Variants in TRIM66 observed in about 807,000 individuals in gnomAD.
TRIM66 encodes the protein tripartite motif-containing protein 66.
Under a neutral mutation model 148.2 loss-of-function variants are expected in TRIM66, and 99 were observed. The ratio of observed to expected loss-of-function variants is 0.67; its 90% confidence interval spans 0.57 to 0.79. The LOEUF (loss-of-function observed/expected upper bound fraction) is 0.79, where lower values mean the gene tolerates loss of function less well. Ranked by LOEUF, TRIM66 falls within the 30% of genes least tolerant of loss-of-function variation. The pLI is 0.00. For missense variants in TRIM66, 1,666 were observed against 1,697.9 expected, an observed-to-expected ratio of 0.98 and a Z score of 0.33; for synonymous variants, 616 against 635.9, an observed-to-expected ratio of 0.97 and a Z score of 0.47.
intron 15 of TRIM66, among the ~76,000 whole-genome samples, chr11:8,634,112 AG>A (rs1408546231): frequency 6.6e-6 from 1 of 152,202 alleles, no homozygotes; most frequent in Non-Finnish European, 1.5e-5. Flanking sequence ...TCCCTCTTGC[AG>A]GTGAACTGGG....
At chr11:8,630,304 G>A (rs2035271279) in intron 15 of TRIM66, among the ~76,000 whole-genome samples, 1 of 152,156 alleles carries the variant, frequency 6.6e-6, no homozygotes, top group African/African-American at 2.4e-5. Flanking sequence ...CAATGGAGAT[G>A]ATACCACCCA....
At chr11:8,658,195 T>C (rs1204798855) in intron 6 of TRIM66, among the ~76,000 whole-genome samples, 1 of 152,232 alleles carries the variant, frequency 6.6e-6, no homozygotes, top group Non-Finnish European at 1.5e-5. Context: ...ACTCCTCCTG[T>C]TTCTGTTTAT....
At chr11:8,623,905 T>C (rs553805387) in intron 17 of TRIM66, among the ~76,000 whole-genome samples, 1 of 152,248 alleles carries the variant, frequency 6.6e-6, no homozygotes, top group South Asian at 2.1e-4. Flanking sequence ...AAGAAGTAGG[T>C]GCGATTGGCC....
chr11:8,626,428 G>A (rs987507001), intron 15 of TRIM66, among the ~76,000 whole-genome samples: 2 of 152,138 alleles, frequency 1.3e-5, no homozygotes, highest in African/African-American at 4.8e-5. Flanking sequence ...ATTTTGCCAT[G>A]AACACTGTCC....
intron 6 of TRIM66, among the ~76,000 whole-genome samples, chr11:8,669,789 C>T (rs1232542062): frequency 2.6e-5 from 4 of 152,146 alleles, no homozygotes; most frequent in African/African-American, 9.7e-5. Context: ...GAGGGACTAA[C>T]AGTAATCAGC....
In TRIM66 at chr11:8,649,752, T is replaced by C. The variant is rs940878871; in HGVS notation, c.580A>G (p.Lys194Glu). ...PGGPFFPRAQ[K>E]GSPGVNGGPG... Reference sequence around the variant, plus strand: ...GTGGGATTGGTACCTGGAGATCCCTTCTGGGCCCGAGGAAAGAATGGGCCC... The same window carrying C: ...GTGGGATTGGTACCTGGAGATCCCTCCTGGGCCCGAGGAAAGAATGGGCCC... The change falls in exon 8 of 25, where the codon AAG becomes GAG. Residue 194 changes from lysine to glutamate, a missense_variant. This residue lies in a region of TRIM66 where 1,431 missense variants were observed against 1,412.4 expected (regional missense o/e 1.01). Transcript: ENST00000646038. The C allele has an allele frequency of 3.9e-6, 6 of 1,547,514 alleles. No individual in the cohort carries two copies. In the African/African-American group the frequency reaches 7.2e-5, roughly 19 times the overall value.
In TRIM66 at chr11:8,649,760, C is replaced by T. The variant is rs1347162867; in HGVS notation, c.572G>A (p.Arg191Gln). 4.0e-5 allele frequency: 62 copies of T among 1,551,218 alleles called. No homozygotes were observed. The highest frequency in any genetic ancestry group is 5.9e-5 in the Admixed American group (3 of 50,962). The change falls in exon 8 of 25, where the codon CGG becomes CAG. Residue 191 changes from arginine to glutamine, a missense_variant. Coordinates refer to ENST00000646038, the MANE Select transcript of TRIM66 (RefSeq NM_001388022.1). ...SPVPGGPFFP[R>Q]AQKGSPGVNG... ...GGTACCTGGAGATCCCTTCTGGGCC[C>T]GAGGAAAGAATGGGCCCCCGGGGAC...
intron 14 of TRIM66, 99 bp from the exon 15 acceptor site, chr11:8,638,914 C>T: frequency 8.0e-7 from 1 of 1,257,004 alleles, no homozygotes; most frequent in Non-Finnish European, 1.1e-6. Flanking sequence ...CCATGTGCAT[C>T]ATCACCACTT....
intron 8 of TRIM66, 147 bp from the exon 9 acceptor site, chr11:8,648,695 C>T: frequency 9.8e-7 from 1 of 1,018,770 alleles, no homozygotes; most frequent in Non-Finnish European, 1.4e-6. Context: ...GATGACTCTC[C>T]AGGGGCACAA....
At position 8,638,778 on chromosome 11, in the gene TRIM66, G is replaced by T. The variant is rs371456414; in HGVS notation, c.2186C>A (p.Pro729Gln). The change falls in exon 15 of 25, where the codon CCG (proline) becomes CAG (glutamine). Residue 729 changes from proline (P) to glutamine (Q), a missense_variant. Physicochemically the swap from Pro to Gln is moderately conservative, Grantham distance 76. Coordinates refer to ENST00000646038, the MANE Select transcript of TRIM66 (RefSeq NM_001388022.1). ...DEPPASQGSKPALPLDKNTAA... is the reference protein window; with the variant it reads ...DEPPASQGSKQALPLDKNTAA... ...AGTATTCTTGTCAAGAGGGAGAGCC[G>T]GCTTTGAGCCCTGAGATGCTGGGGG... 1 of 1,551,166 alleles carries T rather than the reference G, an allele frequency of 6.4e-7. No homozygotes were observed. Among genetic ancestry groups the T allele is most frequent in the Non-Finnish European group, 8.7e-7 (1 of 1,146,846 alleles).
chr11:8,658,304 G>A (rs1339707812), intron 6 of TRIM66, among the ~76,000 whole-genome samples: 1 of 152,148 alleles, frequency 6.6e-6, no homozygotes, highest in Non-Finnish European at 1.5e-5. Context: ...TAATCCTCTG[G>A]GTGCCTTGGA....
Position 8,672,370 on chromosome 11 carries a change from G to T in TRIM66, c.-96C>A. ...TCCCGTACCTGTGCCTCTCCTTATT[G>T]GTAGACAAGCTTGACCTAAGTTTCA... On this transcript the variant is annotated 5_prime_UTR_variant, in exon 5 of 25. Transcript: ENST00000646038. 1 of 1,516,510 alleles carries T rather than the reference G, an allele frequency of 6.6e-7. No homozygotes were observed. Among genetic ancestry groups the T allele is most frequent in the South Asian group, 1.2e-5 (1 of 80,422 alleles). 93.9% of individuals were successfully genotyped at this position (1,516,510 alleles called of 1,614,324 possible).
intron 3 of TRIM66, 33 bp downstream of exon 3, chr11:8,679,587 T>A (rs2039326045): frequency 6.5e-6 from 1 of 152,726 alleles, no homozygotes; most frequent in African/African-American, 2.4e-5. Flanking sequence ...CACTGATGGT[T>A]CCCTTTCATT....
At position 8,643,123 on chromosome 11, in the gene TRIM66, C is replaced by T; in HGVS notation, c.1108G>A (p.Val370Met). 6.4e-7 allele frequency: 1 copy of T among 1,550,680 alleles called. No individual in the cohort carries two copies. The highest frequency in any genetic ancestry group is 8.7e-7 in the Non-Finnish European group (1 of 1,146,576). Residue 370 changes from valine (V) to methionine (M), a missense_variant, in exon 13 of 25, where the codon GTG (valine) becomes ATG (methionine). This residue lies in a region of TRIM66 where 1,431 missense variants were observed against 1,412.4 expected (regional missense o/e 1.01). Transcript: ENST00000646038. ...TCCAGCAATCGCTGCATCTGAAACA[C>T]AATCTGACAACAGCACCAAAGGTCA... ...VPFLFSKELIVFQMQRLLETS... is the reference protein window; with the variant it reads ...VPFLFSKELIMFQMQRLLETS...
intron 13 of TRIM66, among the ~76,000 whole-genome samples, chr11:8,642,271 T>C (rs1382854596): frequency 6.6e-6 from 1 of 152,186 alleles, no homozygotes; most frequent in Non-Finnish European, 1.5e-5. Context: ...CAAGAGTAGG[T>C]GGCCATCAAA....
rs2036111013 is a variant in TRIM66 at position 8,638,710 on chromosome 11, T to C, written c.2254A>G (p.Ser752Gly). 1.3e-6 allele frequency: 2 copies of C among 1,549,304 alleles called. No homozygotes were observed. The highest frequency in any genetic ancestry group is 1.4e-5 in the African/African-American group (1 of 72,762). Residue 752 changes from serine (S) to glycine (G), a missense_variant, in exon 15 of 25, where the codon AGT becomes GGT. Ser to Gly is a moderately conservative substitution (Grantham distance 56). This residue lies in a region of TRIM66 where 1,431 missense variants were observed against 1,412.4 expected (regional missense o/e 1.01). Coordinates refer to ENST00000646038, the MANE Select transcript of TRIM66 (RefSeq NM_001388022.1). ...PQASGEETPL[S>G]VPPVDSTIQH... ...ATGGTGCTGTCCACTGGGGGGACAC[T>C]GAGAGGGGTTTCTTCCCCAGACGCC...
intron 15 of TRIM66, among the ~76,000 whole-genome samples, chr11:8,632,285 G>A (rs931888368): frequency 6.6e-6 from 1 of 152,000 alleles, no homozygotes; most frequent in Non-Finnish European, 1.5e-5. Flanking sequence ...TCCAACCTGG[G>A]TGGCAGAGTG....
In TRIM66 at chr11:8,671,985, C is replaced by T; in HGVS notation, c.141G>A (p.Leu47=). The change falls in exon 6 of 25, where the codon CTG becomes CTA. Residue 47 remains leucine, a synonymous_variant. Coordinates refer to ENST00000646038, the MANE Select transcript of TRIM66 (RefSeq NM_001388022.1). ...GGCAGTGTTTCTGGCCAGCTAGTGG[C>T]AGCCCCATAAAGCTCATGCCCATGT... is the stretch of plus-strand genomic sequence containing the variant. The part of the protein sequence containing the change: ...AVDMGMSFMG[L]PLAGQKHCPK... 6.5e-7 allele frequency: 1 copy of T among 1,536,100 alleles called. No homozygotes were observed. Among genetic ancestry groups the T allele is most frequent in the Non-Finnish European group, 8.7e-7 (1 of 1,146,912 alleles).
chr11:8,629,395 T>C (rs2035178129), intron 15 of TRIM66, among the ~76,000 whole-genome samples: 8 of 152,234 alleles, frequency 5.3e-5, no homozygotes, highest in Admixed American at 4.6e-4. Flanking sequence ...TTGAGAATTA[T>C]ATAGATGTCT....
Sources: gnomAD v4.1 joint callset for allele counts (sites outside exome capture counted in the v4.1 genomes callset) on GRCh38, gnomAD v4.1.1 for gene constraint, gnomAD v4.1.1 regional missense constraint, MANE v1.5 for transcripts, NCBI Gene and HGNC (gene_info 2026-07-23, HGNC 2026-07-21) for gene names.